The following NCOR1 variants were observed in gnomAD, a reference collection of about 807,000 sequenced individuals.
NCOR1 encodes nuclear receptor corepressor 1.
In NCOR1, 63 loss-of-function variants were observed where a neutral mutation model predicts 288.1. That is an observed-to-expected ratio of 0.22 (90% CI 0.18 to 0.27). NCOR1 has a LOEUF of 0.27. NCOR1 is among the 10% of genes least tolerant of loss of function. The probability of loss-of-function intolerance (pLI) is 1.00; values close to 1 mark genes in which losing one functional copy is unlikely to be tolerated. For synonymous variants in NCOR1, 1,007 were observed against 1,065.9 expected, an observed-to-expected ratio of 0.94 and a Z score of 1.08; for missense variants, 2,397 against 3,019.2, an observed-to-expected ratio of 0.79 and a Z score of 4.83.
chr17:16,186,454 T>C (rs2086699722), intron 3 of NCOR1, 100 bp downstream of exon 3: 1 of 1,277,422 alleles, frequency 7.8e-7, no homozygotes, highest in Non-Finnish European at 1.1e-6. Context: ...AAATGACCAG[T>C]CATGGCTTGG....
chr17:16,194,225 C>T (rs558844200), intron 2 of NCOR1, among the ~76,000 whole-genome samples: 1 of 152,146 alleles, frequency 6.6e-6, no homozygotes, highest in South Asian at 2.1e-4. Context: ...TTCTATTTAT[C>T]ATCAACTCCT....
intron 42 of NCOR1, among the ~76,000 whole-genome samples, chr17:16,043,051 C>T (rs1414607560): frequency 2.0e-5 from 3 of 152,072 alleles, no homozygotes; most frequent in Admixed American, 2.0e-4. Context: ...GACTGAGCTT[C>T]TAAGGAGACA....
chr17:16,157,653 C>G (rs2153413920), intron 6 of NCOR1, among the ~76,000 whole-genome samples: 1 of 152,226 alleles, frequency 6.6e-6, no homozygotes, highest in South Asian at 2.1e-4. Context: ...ACAACAATCC[C>G]AAATTTTACC....
chr17:16,117,808 TGA>T (rs2072023822), intron 18 of NCOR1, 78 bp downstream of exon 18: 3 of 1,458,400 alleles, frequency 2.1e-6, no homozygotes, highest in African/African-American at 2.8e-5. Context: ...GGTGATAGAG[TGA>T]GACTCCATCT....
At chr17:16,211,444 GTT>G (rs1379229357) in intron 1 of NCOR1, among the ~76,000 whole-genome samples, 1 of 151,842 alleles carries the variant, frequency 6.6e-6, no homozygotes, top group African/African-American at 2.4e-5. Context: ...TGTTGTGCAG[GTT>G]GGTCTCAAAC....
chr17:16,054,617 A>G (rs753212669), intron 40 of NCOR1, among the ~76,000 whole-genome samples: 1 of 152,186 alleles, frequency 6.6e-6, no homozygotes, highest in Non-Finnish European at 1.5e-5. Context: ...AAAAAGCTCA[A>G]TATCACTGAT....
At chr17:16,144,383 T>C (rs1387337613) in intron 10 of NCOR1, among the ~76,000 whole-genome samples, 1 of 152,198 alleles carries the variant, frequency 6.6e-6, no homozygotes, top group Non-Finnish European at 1.5e-5. Flanking sequence ...AATATAAAAA[T>C]TAAATTTACT....
chr17:16,057,457 T>C (rs2060067695), intron 40 of NCOR1, 57 bp downstream of exon 40: 3 of 1,502,658 alleles, frequency 2.0e-6, no homozygotes, highest in Non-Finnish European at 2.8e-6. Flanking sequence ...CCTGTAGATA[T>C]ATTCCATTTG....
Position 16,067,942 on chromosome 17 carries a change from G to T in NCOR1, c.4693C>A (p.Pro1565Thr), listed in dbSNP as rs1481868504. ...GGCATGGCTGGATCCAAGTGCGTGG[G>T]CAGGTGGCTCCGATAAACCTCGCCT... Reference protein sequence around the residue: ...TAGEVYRSHLPTHLDPAMPFH... With the variant: ...TAGEVYRSHLTTHLDPAMPFH... Residue 1565 changes from proline (P) to threonine (T), a missense_variant, in exon 32 of 46, where the codon CCC (proline) becomes ACC (threonine). This residue lies in a region of NCOR1 where 1,872 missense variants were observed against 2,187.8 expected (regional missense o/e 0.86). Transcript: ENST00000268712. 6.2e-7 allele frequency: 1 copy of T among 1,614,184 alleles called. No individual in the cohort carries two copies. Among genetic ancestry groups the T allele is most frequent in the Non-Finnish European group, 8.5e-7 (1 of 1,180,032 alleles).
chr17:16,146,487 C>T lies in NCOR1; in HGVS notation c.971G>A (p.Arg324Lys). ...TTTCCTCCGAGGATTATTTTCTATTCTGTCCACTTTTTTCTCCCATGCCTC... is the reference window on the plus strand; with the variant it reads ...TTTCCTCCGAGGATTATTTTCTATTTTGTCCACTTTTTTCTCCCATGCCTC... ...LMEAWEKKVD[R>K]IENNPRRKAK... Residue 324 changes from arginine (R) to lysine (K), a missense_variant, in exon 10 of 46, where the codon AGA becomes AAA. Arg to Lys is a conservative substitution (Grantham distance 26, BLOSUM62 2). Coordinates refer to ENST00000268712, the MANE Select transcript of NCOR1 (RefSeq NM_006311.4). The T allele has an allele frequency of 6.2e-7, 1 of 1,613,596 alleles. No homozygotes were observed. Among genetic ancestry groups the T allele is most frequent in the Non-Finnish European group, 8.5e-7 (1 of 1,179,816 alleles).
chr17:16,075,695 G>A lies in NCOR1; in HGVS notation c.3509C>T (p.Pro1170Leu), dbSNP rs966962653. Reference protein sequence around the residue: ...SLRGSITQGTPALPQTGIPTE... With the variant: ...SLRGSITQGTLALPQTGIPTE... ...TGGTATGCCAGTCTGGGGCAGAGCC[G>A]GGGTGCCCTGCCATCAAATCAAGCA... The change falls in exon 27 of 46, where the codon CCG becomes CTG. Residue 1170 changes from proline to leucine, a missense_variant. Physicochemically the swap from Pro to Leu is moderately conservative, Grantham distance 98. Around this residue, in one of 11 missense-constraint regions of NCOR1, gnomAD observed 1,872 missense variants for 2,187.8 expected, o/e 0.86. Transcript: ENST00000268712. 1.9e-6 allele frequency: 3 copies of A among 1,613,976 alleles called. No homozygotes were observed. Among genetic ancestry groups the A allele is most frequent in the East Asian group, 4.5e-5 (2 of 44,880 alleles).
intron 3 of NCOR1, among the ~76,000 whole-genome samples, chr17:16,172,905 G>A (rs978465017): frequency 1.3e-5 from 2 of 152,022 alleles, no homozygotes; most frequent in African/African-American, 4.8e-5. Flanking sequence ...AGAATTGCTG[G>A]GTTTCATATT....
chr17:16,200,326 AAC>A (rs922778593), intron 1 of NCOR1, among the ~76,000 whole-genome samples: 2 of 151,642 alleles, frequency 1.3e-5, no homozygotes, highest in East Asian at 1.9e-4. Flanking sequence ...TCTCTACTAA[AAC>A]ACACCCACAA....
At chr17:16,131,221 A>G (rs1252477453) in intron 14 of NCOR1, among the ~76,000 whole-genome samples, 3 of 149,754 alleles carry the variant, frequency 2.0e-5, no homozygotes, top group Admixed American at 6.6e-5. Flanking sequence ...ATAAATTTTT[A>G]AAGTTTTTGT....
intron 1 of NCOR1, among the ~76,000 whole-genome samples, chr17:16,200,442 A>G (rs1389521631): frequency 1.5e-5 from 2 of 131,664 alleles, no homozygotes; most frequent in Non-Finnish European, 3.1e-5. Flanking sequence ...GGTTGTAGTG[A>G]GCTGGCATCG....
At chr17:16,190,239 A>G (rs2087849320) in intron 2 of NCOR1, among the ~76,000 whole-genome samples, 1 of 152,212 alleles carries the variant, frequency 6.6e-6, no homozygotes, top group Non-Finnish European at 1.5e-5. Context: ...CTAAAAATAA[A>G]ATGAAATAAA....
At chr17:16,080,751 T>G in intron 23 of NCOR1, 24 bp from the exon 24 acceptor site, 1 of 1,597,748 alleles carries the variant, frequency 6.3e-7, no homozygotes, top group Admixed American at 1.7e-5. Flanking sequence ...AAAAAAAAAT[T>G]TAAAGATTAA....
rs71353779 is a variant in NCOR1 at position 16,199,204 on chromosome 17, G to GA, written c.-70-4566dup. 8.9e-3 allele frequency among the ~76,000 whole-genome samples: 889 copies of GA among 99,768 alleles called. 9 individuals carry two copies. Among genetic ancestry groups the GA allele is most frequent in the African/African-American group, 0.03 (834 of 27,626 alleles). The allele number at this position is 99,768 out of a possible 152,430, so 65.5% of individuals were successfully genotyped here. A position where few individuals can be genotyped will look rare whatever the true frequency, so the allele number is the denominator to read the frequency against. ...AAGTACTATCCGCCCAATACAGAAG[G>GA]AAAAAAAAAAAAACACACACACACA... is the stretch of plus-strand genomic sequence containing the variant. On this transcript the variant is annotated intron_variant, in intron 1 of 45. Coordinates refer to ENST00000268712, the MANE Select transcript of NCOR1 (RefSeq NM_006311.4).
chr17:16,198,850 A>C (rs778159767), intron 1 of NCOR1: 1 of 152,162 alleles, frequency 6.6e-6, no homozygotes, highest in Admixed American at 6.5e-5. Context: ...CTCTCCTCCC[A>C]ACTCAGATAT....
Sources: gnomAD v4.1 joint callset for allele counts (sites outside exome capture counted in the v4.1 genomes callset) on GRCh38, gnomAD v4.1.1 for gene constraint, gnomAD v4.1.1 regional missense constraint, MANE v1.5 for transcripts, NCBI Gene and HGNC (gene_info 2026-07-23, HGNC 2026-07-21) for gene names.